Variants in EXOC6B observed in about 807,000 individuals in gnomAD.
The protein encoded by EXOC6B is exocyst complex component 6B.
In EXOC6B, 54 loss-of-function variants were observed where a neutral mutation model predicts 113.5. That is an observed-to-expected ratio of 0.48 (90% CI 0.38 to 0.60). The LOEUF (loss-of-function observed/expected upper bound fraction) is 0.60. Among genes scored for constraint, EXOC6B ranks in the 20% least tolerant of loss-of-function variants. EXOC6B has a pLI of 0.00. For synonymous variants in EXOC6B, 357 were observed against 339.0 expected (o/e 1.05, Z -0.58); for missense variants, 797 against 977.5 (o/e 0.82, Z 2.46).
chr2:72,289,107 T>C, intron 20 of EXOC6B: 1 of 285,080 alleles, frequency 3.5e-6, no homozygotes, highest in Non-Finnish European at 6.6e-6. Context: ...CCTGGGATTC[T>C]TTTTCTAGAG....
At chr2:72,536,112 A>G (rs1444919738) in intron 8 of EXOC6B, among the ~76,000 whole-genome samples, 1 of 152,212 alleles carries the variant, frequency 6.6e-6, no homozygotes, top group African/African-American at 2.4e-5. Flanking sequence ...AGTTCAAGAT[A>G]CATTGCTGAT....
intron 19 of EXOC6B, among the ~76,000 whole-genome samples, chr2:72,367,517 C>A (rs1690706212): frequency 6.6e-6 from 1 of 152,066 alleles, no homozygotes; most frequent in Admixed American, 6.5e-5. Flanking sequence ...CCCACCCCTG[C>A]AGGAACACCA....
intron 1 of EXOC6B, among the ~76,000 whole-genome samples, chr2:72,770,026 T>C (rs1255525151): frequency 6.6e-6 from 1 of 152,116 alleles, no homozygotes; most frequent in Non-Finnish European, 1.5e-5. Flanking sequence ...ATAAAGTCTA[T>C]AGAGCTAAAA....
At chr2:72,619,581 T>C (rs1041133816) in intron 6 of EXOC6B, among the ~76,000 whole-genome samples, 2 of 152,042 alleles carry the variant, frequency 1.3e-5, no homozygotes, top group African/African-American at 4.8e-5. Flanking sequence ...GACCAAAGTA[T>C]GGAATAAACC....
intron 20 of EXOC6B, among the ~76,000 whole-genome samples, chr2:72,277,847 A>AT (rs5832077): frequency 1.1e-4 from 16 of 149,188 alleles, no homozygotes; most frequent in East Asian, 9.8e-4. Flanking sequence ...ATTATACCCC[A>AT]TTTTTTTTTA....
At chr2:72,410,039 T>G (rs2105217406) in intron 18 of EXOC6B, among the ~76,000 whole-genome samples, 2 of 152,280 alleles carry the variant, frequency 1.3e-5, no homozygotes, top group Middle Eastern at 3.4e-3. Flanking sequence ...TTTTCAATAT[T>G]TCTAAGTTGC....
At chr2:72,543,996 T>C (rs1702763823) in intron 8 of EXOC6B, among the ~76,000 whole-genome samples, 2 of 152,214 alleles carry the variant, frequency 1.3e-5, no homozygotes, top group South Asian at 4.1e-4. Context: ...AAGATTACCA[T>C]GGAGACAAAT....
chr2:72,742,333 T>C (rs547805505), intron 1 of EXOC6B, among the ~76,000 whole-genome samples: 13 of 152,324 alleles, frequency 8.5e-5, no homozygotes, highest in African/African-American at 2.6e-4. Context: ...TATAATTGTT[T>C]TTATTTTTTT....
At chr2:72,228,025 T>C (rs981324682) in intron 20 of EXOC6B, among the ~76,000 whole-genome samples, 12 of 152,104 alleles carry the variant, frequency 7.9e-5, no homozygotes, top group African/African-American at 2.9e-4. Flanking sequence ...GATTGAAGTA[T>C]AGATGAGAGA....
At chr2:72,556,071 T>C (rs910152604) in intron 8 of EXOC6B, among the ~76,000 whole-genome samples, 1 of 152,194 alleles carries the variant, frequency 6.6e-6, no homozygotes, top group Non-Finnish European at 1.5e-5. Flanking sequence ...AAGCAATGGC[T>C]ACTAAAAGAT....
chr2:72,556,980 TA>T (rs1052943190), intron 8 of EXOC6B, among the ~76,000 whole-genome samples: 2 of 151,052 alleles, frequency 1.3e-5, no homozygotes, highest in South Asian at 2.1e-4. Flanking sequence ...GAAACCCGAT[TA>T]AAAAAAATGA....
At chr2:72,393,491 C>T (rs1400233891) in intron 18 of EXOC6B, among the ~76,000 whole-genome samples, 1 of 152,006 alleles carries the variant, frequency 6.6e-6, no homozygotes, top group East Asian at 1.9e-4. Context: ...AAACATTGAT[C>T]CCTTCTTTCA....
intron 19 of EXOC6B, among the ~76,000 whole-genome samples, chr2:72,346,466 T>C (rs745753280): frequency 1.3e-5 from 2 of 152,194 alleles, no homozygotes; most frequent in African/African-American, 2.4e-5. Context: ...GAGAAGCTTA[T>C]TTCTATGTCT....
At chr2:72,205,936 TG>T (rs1321748212) in intron 20 of EXOC6B, among the ~76,000 whole-genome samples, 1 of 152,194 alleles carries the variant, frequency 6.6e-6, no homozygotes, top group African/African-American at 2.4e-5. Flanking sequence ...AGGGGCAACC[TG>T]TGTTCAAAAC....
At chr2:72,746,717 TA>T (rs1483890346) in intron 1 of EXOC6B, among the ~76,000 whole-genome samples, 2 of 152,066 alleles carry the variant, frequency 1.3e-5, no homozygotes, top group Non-Finnish European at 2.9e-5. Context: ...ATGCATCTTA[TA>T]AATTAGACAT....
intron 6 of EXOC6B, among the ~76,000 whole-genome samples, chr2:72,645,094 T>G (rs751680830): frequency 3.7e-4 from 56 of 151,902 alleles, no homozygotes; most frequent in Admixed American, 7.9e-4. Context: ...GGAGAAAGAT[T>G]TACCAAGCAA....
At chr2:72,729,333 T>A (rs969866407) in intron 5 of EXOC6B, among the ~76,000 whole-genome samples, 1 of 151,218 alleles carries the variant, frequency 6.6e-6, no homozygotes, top group Non-Finnish European at 1.5e-5. Context: ...TACTATATAT[T>A]TTTTTTCTTT....
chr2:72,606,631 C>CT lies in EXOC6B; in HGVS notation c.670-30964dup, dbSNP rs200868918. On this transcript the variant is annotated intron_variant, in intron 6 of 21. Transcript: ENST00000272427. ...TAAATGCAGTATATTCACTTTCTTTCTTTCTTTTTTTTTTTTAGACAGGGT... is the reference window on the plus strand; with the variant it reads ...TAAATGCAGTATATTCACTTTCTTTCTTTTCTTTTTTTTTTTTAGACAGGGT... Among the ~76,000 whole-genome samples the CT allele has an allele frequency of 5.5e-3, 791 of 144,714 alleles. 10 individuals are homozygous for CT. The highest frequency in any genetic ancestry group is 0.013 in the African/African-American group (528 of 39,768). 94.9% of individuals were successfully genotyped at this position (144,714 alleles called of 152,430 possible).
intron 6 of EXOC6B, among the ~76,000 whole-genome samples, chr2:72,624,991 T>C (rs968291066): frequency 2.7e-5 from 4 of 145,932 alleles, no homozygotes; most frequent in Admixed American, 7.0e-5. Context: ...TTCTACCTCC[T>C]AATCAATGAT....
Sources: allele counts gnomAD v4.1 joint callset (sites outside exome capture counted in the v4.1 genomes callset), GRCh38; gene constraint gnomAD v4.1.1; transcripts MANE v1.5; gene names NCBI Gene and HGNC (gene_info 2026-07-23, HGNC 2026-07-21).